DCDC2: variants seen among roughly 807,000 people sequenced by gnomAD.
The protein encoded by DCDC2 is doublecortin domain-containing protein 2.
DCDC2 carries 40 observed loss-of-function variants against 50.2 expected under a neutral mutation model. The ratio of observed to expected loss-of-function variants is 0.80; its 90% CI spans 0.62 to 1.04. The LOEUF (loss-of-function observed/expected upper bound fraction) is 1.04. Among genes scored for constraint, DCDC2 ranks in the 50% least tolerant of loss-of-function variants. The pLI is 0.00. For missense variants in DCDC2, 570 were observed against 581.9 expected (o/e 0.98, Z 0.21); for synonymous variants, 234 against 210.6 (o/e 1.11, Z -0.96).
intron 7 of DCDC2, among the ~76,000 whole-genome samples, chr6:24,224,764 G>A (rs375372651): frequency 1.3e-5 from 2 of 152,080 alleles, no homozygotes; most frequent in South Asian, 2.1e-4. Context: ...CCTCTTCTGT[G>A]ATCCCACAGC....
At chr6:24,373,697 T>C in the DCDC2 span, among the ~76,000 whole-genome samples, 2 of 152,212 alleles carry the variant, frequency 1.3e-5, no homozygotes, top group Non-Finnish European at 2.9e-5. Flanking sequence ...CTCTCATTCT[T>C]GAGCCAGGGG....
chr6:24,192,187 T>G (rs1761328452), intron 8 of DCDC2, among the ~76,000 whole-genome samples: 1 of 152,132 alleles, frequency 6.6e-6, no homozygotes, highest in African/African-American at 2.4e-5. Flanking sequence ...AAACAGAGAA[T>G]AAATCTCTTG....
intron 6 of DCDC2, among the ~76,000 whole-genome samples, chr6:24,279,130 T>C (rs1458899065): frequency 6.6e-6 from 1 of 152,170 alleles, no homozygotes; most frequent in East Asian, 1.9e-4. Context: ...GTACAGCTCC[T>C]GGGGAGCCAC....
chr6:24,356,086 G>T (rs187822972), intron 1 of DCDC2, among the ~76,000 whole-genome samples: 1 of 152,176 alleles, frequency 6.6e-6, no homozygotes, highest in African/African-American at 2.4e-5. Flanking sequence ...AAAGAGAAAT[G>T]AAAACTTGTA....
intron 4 of DCDC2, 129 bp downstream of exon 4, chr6:24,301,586 G>T (rs1292468709): frequency 2.9e-6 from 3 of 1,023,502 alleles, no homozygotes; most frequent in Non-Finnish European, 4.4e-6. Context: ...TACAGATAAA[G>T]AAACTGAGGC....
intron 7 of DCDC2, among the ~76,000 whole-genome samples, chr6:24,231,041 C>T (rs1160208001): frequency 2.0e-5 from 3 of 149,868 alleles, no homozygotes; most frequent in African/African-American, 7.4e-5. Flanking sequence ...GAAAAGGAGG[C>T]TTATGGAAGG....
At chr6:24,378,062 T>C in the DCDC2 span, among the ~76,000 whole-genome samples, 2 of 152,260 alleles carry the variant, frequency 1.3e-5, no homozygotes, top group African/African-American at 2.4e-5. Context: ...TCTTATTTTT[T>C]AAGGTAAATC....
At chr6:24,178,735 AT>A in intron 8 of DCDC2, 103 bp from the exon 9 acceptor site, 1 of 1,186,528 alleles carries the variant, frequency 8.4e-7, no homozygotes, top group Admixed American at 2.3e-5. Flanking sequence ...CAAGTAAAAC[AT>A]TCTTACATTT....
intron 7 of DCDC2, among the ~76,000 whole-genome samples, chr6:24,271,436 T>C (rs1763237333): frequency 6.6e-6 from 1 of 151,978 alleles, no homozygotes; most frequent in Non-Finnish European, 1.5e-5. Flanking sequence ...GAAATAAAGA[T>C]GTGACAATCC....
upstream of DCDC2, among the ~76,000 whole-genome samples, chr6:24,361,072 CTT>C (rs971995405): frequency 6.6e-6 from 1 of 151,676 alleles, no homozygotes; most frequent in East Asian, 1.9e-4. Flanking sequence ...TGGAGAGAAA[CTT>C]TTTTTTTCCT....
At chr6:24,207,626 G>A (rs1360725679) in intron 7 of DCDC2, among the ~76,000 whole-genome samples, 7 of 152,128 alleles carry the variant, frequency 4.6e-5, no homozygotes, top group Non-Finnish European at 1.0e-4. Flanking sequence ...ACAGAGACAT[G>A]CGATGTTTAC....
intron 8 of DCDC2, among the ~76,000 whole-genome samples, chr6:24,194,933 T>C (rs775884070): frequency 1.6e-4 from 24 of 152,190 alleles, no homozygotes; most frequent in Non-Finnish European, 2.9e-4. Context: ...TTGGAAGTAC[T>C]ACCAGGTCCA....
At chr6:24,212,654 A>G (rs991219394) in intron 7 of DCDC2, among the ~76,000 whole-genome samples, 1 of 152,230 alleles carries the variant, frequency 6.6e-6, no homozygotes, top group Non-Finnish European at 1.5e-5. Flanking sequence ...TGAAGGATCA[A>G]ATTCAATGCT....
At chr6:24,343,771 T>C (rs530886801) in intron 2 of DCDC2, among the ~76,000 whole-genome samples, 1 of 152,336 alleles carries the variant, frequency 6.6e-6, no homozygotes, top group East Asian at 1.9e-4. Flanking sequence ...AGGATCTTAT[T>C]TTGGTCAGAA....
chr6:24,240,441 A>G (rs1334670109), intron 7 of DCDC2, among the ~76,000 whole-genome samples: 6 of 152,222 alleles, frequency 3.9e-5, no homozygotes, highest in African/African-American at 1.2e-4. Flanking sequence ...TGAAATTGGT[A>G]GACTATTACA....
At chr6:24,217,136 T>C (rs1459866588) in intron 7 of DCDC2, among the ~76,000 whole-genome samples, 3 of 151,638 alleles carry the variant, frequency 2.0e-5, no homozygotes, top group African/African-American at 4.8e-5. Context: ...ATACAAAGAA[T>C]CTTAAAAAAA....
At chr6:24,368,134 A>G in the DCDC2 span, among the ~76,000 whole-genome samples, 4 of 152,242 alleles carry the variant, frequency 2.6e-5, no homozygotes, top group East Asian at 7.7e-4. Context: ...TCAGTTAAAA[A>G]AAAAGAAAAA....
In DCDC2 at chr6:24,279,496, A is replaced by G. The variant is rs528889749; in HGVS notation, c.760-1285T>C. 6.6e-5 allele frequency among the ~76,000 whole-genome samples: 10 copies of G among 152,268 alleles called. No homozygotes were observed. In the South Asian group the frequency reaches 2.1e-3, roughly 32 times the overall value. On this transcript the variant is annotated intron_variant, in intron 6 of 9. Coordinates refer to ENST00000378454, the MANE Select transcript of DCDC2 (RefSeq NM_016356.5). ...CTCAAGAGGCTGACACAGGAGGATC[A>G]CTTGAACCCATGAGTTTGAGATTGC...
intron 6 of DCDC2, among the ~76,000 whole-genome samples, chr6:24,281,780 A>G (rs370119188): frequency 9.2e-5 from 14 of 152,294 alleles, no homozygotes; most frequent in Non-Finnish European, 1.5e-4. Flanking sequence ...GAGTTTTGCT[A>G]TCTCATACAG....
Sources: gnomAD v4.1 joint callset for allele counts (sites outside exome capture counted in the v4.1 genomes callset) on GRCh38, gnomAD v4.1.1 for gene constraint, MANE v1.5 for transcripts, NCBI Gene and HGNC (gene_info 2026-07-23, HGNC 2026-07-21) for gene names.